Variants in RAB38 observed in about 807,000 individuals in gnomAD.
RAB38 encodes RAB38, member RAS oncogene family, also known as ras-related protein Rab-38.
Under a neutral mutation model 18.4 loss-of-function variants are expected in RAB38, and 15 were observed. The observed-to-expected ratio is 0.82, with a 90% CI of 0.55 to 1.26. The LOEUF (loss-of-function observed/expected upper bound fraction) is 1.26, where lower values mean the gene tolerates loss of function less well. RAB38 is among the 50% of genes most tolerant of loss of function. The pLI, the probability that RAB38 is intolerant of heterozygous loss-of-function variation, is 0.00. For missense variants in RAB38, 294 were observed against 267.4 expected, an observed-to-expected ratio of 1.10 and a Z score of -0.69; for synonymous variants, 101 against 104.4, an observed-to-expected ratio of 0.97 and a Z score of 0.20.
chr11:87,824,640 A>G, the RAB38 span, among the ~76,000 whole-genome samples: 2 of 152,186 alleles, frequency 1.3e-5, no homozygotes, highest in African/African-American at 2.4e-5. Context: ...AAAATGAAGC[A>G]AATAAAATAA....
chr11:87,857,732 T>G, the RAB38 span, among the ~76,000 whole-genome samples: 1 of 152,198 alleles, frequency 6.6e-6, no homozygotes, highest in East Asian at 1.9e-4. Context: ...TCTTGTAAGT[T>G]TGTTTGAGTT....
At chr11:88,114,231 T>C in intron 2 of RAB38, 91 bp from the exon 3 acceptor site, 1 of 1,373,204 alleles carries the variant, frequency 7.3e-7, no homozygotes, top group East Asian at 2.3e-5. Flanking sequence ...CATTTAAATA[T>C]TCCTTCCTAT....
At chr11:87,917,204 CTG>C in the RAB38 span, among the ~76,000 whole-genome samples, 1 of 152,064 alleles carries the variant, frequency 6.6e-6, no homozygotes, top group Non-Finnish European at 1.5e-5. Flanking sequence ...GAGGTGGTCA[CTG>C]TGGCATACCT....
intron 2 of RAB38, among the ~76,000 whole-genome samples, chr11:88,147,716 C>T (rs1943008304): frequency 6.6e-6 from 1 of 151,962 alleles, no homozygotes; most frequent in Non-Finnish European, 1.5e-5. Flanking sequence ...CATAGTGAAA[C>T]CACATCTCTA....
the RAB38 span, among the ~76,000 whole-genome samples, chr11:88,067,367 A>AG: frequency 2.1e-5 from 3 of 142,210 alleles, no homozygotes; most frequent in African/African-American, 8.0e-5. Flanking sequence ...AAAAAAAAAA[A>AG]GACCAGAGAA....
the RAB38 span, among the ~76,000 whole-genome samples, chr11:88,053,767 C>A: frequency 6.6e-6 from 1 of 150,496 alleles, no homozygotes; most frequent in African/African-American, 2.4e-5. Context: ...TAACCAGGTG[C>A]ACTGTTAGGA....
chr11:87,971,162 A>C, the RAB38 span, among the ~76,000 whole-genome samples: 18 of 152,142 alleles, frequency 1.2e-4, no homozygotes, highest in African/African-American at 4.1e-4. Flanking sequence ...AGCTGAGTAG[A>C]TTTCAAGCTA....
chr11:87,816,574 C>A, the RAB38 span: 1 of 151,928 alleles, frequency 6.6e-6, no homozygotes, highest in Non-Finnish European at 1.5e-5. Flanking sequence ...TCTATAGGAT[C>A]TCTCTCTCTC....
chr11:87,813,797 A>G, the RAB38 span, among the ~76,000 whole-genome samples: 1 of 152,144 alleles, frequency 6.6e-6, no homozygotes, highest in Non-Finnish European at 1.5e-5. Context: ...GGTTAATCGT[A>G]TGACGGTGGT....
the RAB38 span, among the ~76,000 whole-genome samples, chr11:87,864,553 T>C: frequency 6.6e-6 from 1 of 150,816 alleles, no homozygotes; most frequent in East Asian, 1.9e-4. Flanking sequence ...TTTTCAGGTA[T>C]AATATGAATT....
At chr11:88,150,817 G>T (rs201522625) in intron 1 of RAB38, among the ~76,000 whole-genome samples, 2 of 152,080 alleles carry the variant, frequency 1.3e-5, no homozygotes, top group Non-Finnish European at 2.9e-5. Context: ...TTATAGGCTT[G>T]TACTCTCTCT....
the RAB38 span, among the ~76,000 whole-genome samples, chr11:87,976,746 ATATT>A: frequency 8.4e-6 from 1 of 118,750 alleles, no homozygotes; most frequent in East Asian, 2.5e-4. Context: ...ATATATTTAT[ATATT>A]TATATATATT....
At chr11:87,962,473 G>A in the RAB38 span, among the ~76,000 whole-genome samples, 7 of 151,852 alleles carry the variant, frequency 4.6e-5, no homozygotes, top group African/African-American at 1.7e-4. Context: ...AAGGAGTGGA[G>A]TGGTGGTTAC....
At chr11:87,878,716 T>C in the RAB38 span, among the ~76,000 whole-genome samples, 90 of 151,814 alleles carry the variant, frequency 5.9e-4, no homozygotes, top group Admixed American at 1.4e-3. Flanking sequence ...AAGCAAATCA[T>C]AGCTTTTAAA....
chr11:87,877,217 A>G, the RAB38 span, among the ~76,000 whole-genome samples: 1 of 151,502 alleles, frequency 6.6e-6, no homozygotes, highest in African/African-American at 2.4e-5. Flanking sequence ...CTGTAAAGCC[A>G]TAGTGGAAAG....
chr11:88,104,871 A>C, the RAB38 span, among the ~76,000 whole-genome samples: 9 of 151,758 alleles, frequency 5.9e-5, no homozygotes, highest in Admixed American at 2.6e-4. Flanking sequence ...GCTCAATATC[A>C]CTCTTCTCAA....
chr11:88,108,738 C>T (rs936570367), downstream of RAB38, among the ~76,000 whole-genome samples: 1 of 152,078 alleles, frequency 6.6e-6, no homozygotes, highest in Non-Finnish European at 1.5e-5. Context: ...TTCATAGTGT[C>T]GATGGTCTTT....
the RAB38 span, among the ~76,000 whole-genome samples, chr11:88,058,938 C>A: frequency 1.3e-4 from 20 of 152,212 alleles, no homozygotes; most frequent in Non-Finnish European, 7.3e-5. Context: ...AGGTAAGTAC[C>A]TCTAGCTGAG....
intron 2 of RAB38, among the ~76,000 whole-genome samples, chr11:88,126,113 C>T (rs1244491587): frequency 6.6e-6 from 1 of 152,172 alleles, no homozygotes; most frequent in Non-Finnish European, 1.5e-5. Flanking sequence ...GTTTTGGTTA[C>T]TGTAGCCTTG....
Sources: allele counts gnomAD v4.1 joint callset (sites outside exome capture counted in the v4.1 genomes callset), GRCh38; gene constraint gnomAD v4.1.1; transcripts MANE v1.5; gene names NCBI Gene and HGNC (gene_info 2026-07-23, HGNC 2026-07-21).